LDB2: variants seen among roughly 807,000 people sequenced by gnomAD.
LDB2 encodes the protein LIM domain binding 2.
In LDB2, 12 loss-of-function variants were observed where a neutral mutation model predicts 44.3. That is an observed-to-expected ratio of 0.27 (90% confidence interval 0.17 to 0.44). The LOEUF (loss-of-function observed/expected upper bound fraction) is 0.44. LDB2 is among the 20% of genes least tolerant of loss of function. LDB2 has a pLI of 1.00. For missense variants in LDB2, 344 were observed against 473.5 expected (o/e 0.73, Z 2.54); for synonymous variants, 164 against 174.8 (o/e 0.94, Z 0.49).
chr4:16,735,476 A>G (rs1327150543), intron 2 of LDB2, among the ~76,000 whole-genome samples: 2 of 152,124 alleles, frequency 1.3e-5, no homozygotes, highest in African/African-American at 4.8e-5. Flanking sequence ...GATGGGGCTT[A>G]ACTTCTGCCC....
chr4:16,604,699 T>G (rs1723463603), intron 2 of LDB2, among the ~76,000 whole-genome samples: 1 of 152,042 alleles, frequency 6.6e-6, no homozygotes, highest in African/African-American at 2.4e-5. Flanking sequence ...AAACAAACTA[T>G]TATCCTATTC....
chr4:16,816,000 A>G (rs2109911993), intron 1 of LDB2, among the ~76,000 whole-genome samples: 1 of 152,250 alleles, frequency 6.6e-6, no homozygotes, highest in East Asian at 1.9e-4. Context: ...CTGAGGTCAG[A>G]AGTTCGAGAC....
chr4:16,540,765 GACCC>G (rs1733482147), intron 5 of LDB2, among the ~76,000 whole-genome samples: 1 of 152,036 alleles, frequency 6.6e-6, no homozygotes, highest in Non-Finnish European at 1.5e-5. Context: ...ATACTTTGAG[GACCC>G]CAAGTCAGGT....
chr4:16,570,584 G>A lies in LDB2; in HGVS notation c.615+15338C>T, dbSNP rs1325970890. ...GATGATTATGTAAGATAATTCAACT[G>A]ATGAAAAATACTACAAAAAACAAAA... On this transcript the variant is annotated intron_variant, in intron 5 of 7. Coordinates refer to ENST00000304523, the MANE Select transcript of LDB2 (RefSeq NM_001290.5). Among the ~76,000 whole-genome samples, 10 of 144,050 alleles carry A rather than the reference G, an allele frequency of 6.9e-5. No individual in the cohort carries two copies. The East Asian group carries it at 2.1e-3, about 31-fold the overall frequency. The allele number at this position is 144,050 out of a possible 152,430, so 94.5% of individuals were successfully genotyped here.
At chr4:16,579,314 C>A (rs1426459391) in intron 5 of LDB2, among the ~76,000 whole-genome samples, 1 of 151,890 alleles carries the variant, frequency 6.6e-6, no homozygotes, top group Non-Finnish European at 1.5e-5. Flanking sequence ...CTACTATGTA[C>A]CCTGAAAATT....
chr4:16,508,711 G>T, intron 6 of LDB2, 25 bp from the exon 7 acceptor site: 1 of 1,610,730 alleles, frequency 6.2e-7, no homozygotes. Flanking sequence ...AGGGAAGAGG[G>T]ATCAGTTCTA....
At chr4:16,720,764 A>G (rs888923382) in intron 2 of LDB2, among the ~76,000 whole-genome samples, 1 of 152,214 alleles carries the variant, frequency 6.6e-6, no homozygotes, top group Non-Finnish European at 1.5e-5. Flanking sequence ...TAGTAATATT[A>G]ATAGTCATTA....
At position 16,502,811 on chromosome 4, in the gene LDB2, C is replaced by T. The variant is rs1368946097; in HGVS notation, c.954G>A (p.Arg318=). 2 of 1,614,054 alleles carry T rather than the reference C, an allele frequency of 1.2e-6. No homozygotes were observed. The highest frequency in any genetic ancestry group is 8.5e-7 in the Non-Finnish European group (1 of 1,179,968). ...MGGEFGDEDE[R]LITRLENTQY... ...GCGTGTTTTCTAATCTAGTGATTAGCCTTTCGTCCTCGTCCCCAAACTCAC... is the reference window on the plus strand; with the variant it reads ...GCGTGTTTTCTAATCTAGTGATTAGTCTTTCGTCCTCGTCCCCAAACTCAC... The change falls in exon 8 of 8, where the codon AGG becomes AGA. Residue 318 remains arginine (R), a synonymous_variant. Coordinates refer to ENST00000304523, the MANE Select transcript of LDB2 (RefSeq NM_001290.5).
chr4:16,799,631 G>T (rs1192643595), intron 1 of LDB2, among the ~76,000 whole-genome samples: 1 of 152,118 alleles, frequency 6.6e-6, no homozygotes, highest in Non-Finnish European at 1.5e-5. Context: ...ATTTATGATT[G>T]AACAAGAACA....
At chr4:16,635,271 C>T (rs1733267169) in intron 2 of LDB2, among the ~76,000 whole-genome samples, 1 of 151,958 alleles carries the variant, frequency 6.6e-6, no homozygotes, top group Non-Finnish European at 1.5e-5. Context: ...GCACATGTAA[C>T]CCAGAACTTA....
intron 1 of LDB2, among the ~76,000 whole-genome samples, chr4:16,831,909 GGCTGGAACT>G (rs1197928769): frequency 1.3e-5 from 2 of 151,992 alleles, no homozygotes. Context: ...GCGTAACCAG[GGCTGGAACT>G]GCCATCCTGG....
At chr4:16,887,708 A>T (rs1722159650) in intron 1 of LDB2, among the ~76,000 whole-genome samples, 1 of 152,060 alleles carries the variant, frequency 6.6e-6, no homozygotes, top group Non-Finnish European at 1.5e-5. Flanking sequence ...AGAAAAAAAA[A>T]GGGCTACAAA....
chr4:16,527,405 A>G (rs1728610865), intron 5 of LDB2, among the ~76,000 whole-genome samples: 1 of 151,428 alleles, frequency 6.6e-6, no homozygotes, highest in South Asian at 2.1e-4. Context: ...AAGAATGGCC[A>G]TAATCAAAAA....
At chr4:16,863,656 CTTTTTTTTT>C (rs143950913) in intron 1 of LDB2, among the ~76,000 whole-genome samples, 1 of 91,956 alleles carries the variant, frequency 1.1e-5, no homozygotes, top group Admixed American at 1.4e-4. Context: ...CTCACATTCT[CTTTTTTTTT>C]TTTTTTTTTT....
At chr4:16,846,115 A>G (rs1407692251) in intron 1 of LDB2, among the ~76,000 whole-genome samples, 1 of 141,086 alleles carries the variant, frequency 7.1e-6, no homozygotes, top group Non-Finnish European at 1.5e-5. Flanking sequence ...CTCTGTCTCA[A>G]AAAAAAAAAA....
chr4:16,685,020 T>G (rs1748875067), intron 2 of LDB2, among the ~76,000 whole-genome samples: 1 of 152,198 alleles, frequency 6.6e-6, no homozygotes, highest in South Asian at 2.1e-4. Flanking sequence ...GATTCCTAAA[T>G]TAGAGATGAA....
At chr4:16,689,715 T>C (rs1750166994) in intron 2 of LDB2, among the ~76,000 whole-genome samples, 1 of 152,240 alleles carries the variant, frequency 6.6e-6, no homozygotes, top group Non-Finnish European at 1.5e-5. Context: ...CCTAGGCCCC[T>C]GAGCATAGTA....
intron 1 of LDB2, among the ~76,000 whole-genome samples, chr4:16,873,091 A>T (rs375191361): frequency 5.9e-5 from 9 of 152,110 alleles, no homozygotes; most frequent in Admixed American, 3.9e-4. Context: ...TGTATCGGGC[A>T]TTTCCTCTGC....
Position 16,802,866 on chromosome 4 carries a change from T to C in LDB2, c.133-43606A>G, listed in dbSNP as rs577484622. ...CCAGGATCATTAATTTCAGACCAAGTTTTAAGAGAAAAATCCTCTAGGCTG... is the reference window on the plus strand; with the variant it reads ...CCAGGATCATTAATTTCAGACCAAGCTTTAAGAGAAAAATCCTCTAGGCTG... On this transcript the variant is annotated intron_variant, in intron 1 of 7. Coordinates refer to ENST00000304523, the MANE Select transcript of LDB2 (RefSeq NM_001290.5). 1.9e-3 allele frequency among the ~76,000 whole-genome samples: 287 copies of C among 152,170 alleles called. 1 individual carries two copies. Among genetic ancestry groups the C allele is most frequent in the African/African-American group, 6.8e-3 (281 of 41,526 alleles).
Sources: allele counts gnomAD v4.1 joint callset (sites outside exome capture counted in the v4.1 genomes callset), GRCh38; gene constraint gnomAD v4.1.1; transcripts MANE v1.5; gene names NCBI Gene and HGNC (gene_info 2026-07-23, HGNC 2026-07-21).